FAM13B: variants seen among roughly 807,000 people sequenced by gnomAD.
FAM13B encodes the protein family with sequence similarity 13 member B.
In FAM13B, 60 loss-of-function variants were observed where a neutral mutation model predicts 117.3. The ratio of observed to expected loss-of-function variants is 0.51; its 90% CI spans 0.42 to 0.63. FAM13B has a LOEUF of 0.63. Among genes scored for constraint, FAM13B ranks in the 30% least tolerant of loss-of-function variants. The pLI is 0.00. For missense variants in FAM13B, 972 were observed against 1,091.9 expected (o/e 0.89, Z 1.55); for synonymous variants, 332 against 356.1 (o/e 0.93, Z 0.76).
At chr5:137,988,206 T>A in intron 8 of FAM13B, 68 bp downstream of exon 8, 1 of 1,219,360 alleles carries the variant, frequency 8.2e-7, no homozygotes, top group Non-Finnish European at 1.1e-6. Context: ...AGTACATTAT[T>A]TTCATTTCTA....
intron 7 of FAM13B, among the ~76,000 whole-genome samples, chr5:137,997,516 T>C (rs1209605656): frequency 1.3e-5 from 2 of 151,318 alleles, no homozygotes; most frequent in Admixed American, 1.3e-4. Context: ...ATGATAAACA[T>C]GTGGATATAA....
At position 137,984,055 on chromosome 5, in the gene FAM13B, TA is replaced by T. The variant is rs1183969540; in HGVS notation, c.1179+1201del. 5.9e-5 allele frequency among the ~76,000 whole-genome samples: 9 copies of T among 152,278 alleles called. No individual in the cohort carries two copies. In the East Asian group the frequency reaches 1.4e-3, roughly 23 times the overall value. On this transcript the variant is annotated intron_variant, in intron 10 of 23. Transcript: ENST00000689681. ...TTTTTACATTTAATGGCAATTATAT[TA>T]AAAAAAGTTACTAACAAATGTGACA...
chr5:138,010,087 TCTC>T (rs1351492248), intron 6 of FAM13B, among the ~76,000 whole-genome samples: 2 of 151,960 alleles, frequency 1.3e-5, no homozygotes, highest in Admixed American at 6.6e-5. Flanking sequence ...TTCAAGCAAT[TCTC>T]CTGCCTCAGC....
intron 10 of FAM13B, among the ~76,000 whole-genome samples, chr5:137,980,000 A>C (rs1212253004): frequency 0.12 from 232 of 1,922 alleles, 1 homozygote; most frequent in South Asian, 0.45. Flanking sequence ...TGTCTCTACT[A>C]AAAAAAAAAA....
chr5:137,982,523 A>AAACAAC (rs59537285), intron 10 of FAM13B, among the ~76,000 whole-genome samples: 106 of 138,320 alleles, frequency 7.7e-4, no homozygotes, highest in African/African-American at 1.6e-3. Flanking sequence ...TCCATCTCAA[A>AAACAAC]AACAACAACA....
At chr5:137,975,995 T>TTTTTTTTTTTTTTTTTTG (rs1773849176) in intron 10 of FAM13B, among the ~76,000 whole-genome samples, 2 of 149,682 alleles carry the variant, frequency 1.3e-5, no homozygotes, top group African/African-American at 4.9e-5. Flanking sequence ...TTTTTTTTTT[T>TTTTTTTTTTTTTTTTTTG]GAGACAGTCT....
intron 10 of FAM13B, among the ~76,000 whole-genome samples, chr5:137,970,447 G>A: frequency 6.6e-6 from 1 of 151,768 alleles, no homozygotes; most frequent in East Asian, 1.9e-4. Flanking sequence ...CCCTAAAAGA[G>A]CTCCTGAAGG....
intron 7 of FAM13B, among the ~76,000 whole-genome samples, chr5:137,993,593 C>G (rs1444910302): frequency 6.6e-6 from 1 of 151,518 alleles, no homozygotes; most frequent in Non-Finnish European, 1.5e-5. Flanking sequence ...GCAGCCGGGC[C>G]TACAAGATGA....
chr5:137,957,473 G>C (rs1407209138), intron 13 of FAM13B, among the ~76,000 whole-genome samples: 1 of 148,630 alleles, frequency 6.7e-6, no homozygotes, highest in East Asian at 2.0e-4. Context: ...CTGCGAGGCG[G>C]AAGTTGCGGT....
At chr5:138,048,187 C>T (rs1182535960) in intron 1 of FAM13B, among the ~76,000 whole-genome samples, 1 of 152,172 alleles carries the variant, frequency 6.6e-6, no homozygotes, top group Non-Finnish European at 1.5e-5. Flanking sequence ...CCCACACATA[C>T]AAATCTGTGT....
chr5:137,943,423 C>G (rs1168224149), intron 20 of FAM13B, among the ~76,000 whole-genome samples: 1 of 152,086 alleles, frequency 6.6e-6, no homozygotes, highest in Non-Finnish European at 1.5e-5. Flanking sequence ...CTAGAAAAGT[C>G]TGAAAGAGCT....
At position 137,942,865 on chromosome 5, in the gene FAM13B, GCATA is replaced by G; in HGVS notation, c.2588+6_2588+9del. Reference sequence around the variant, plus strand: ...AAAAATAGGCTAAAATCACAAATCAGCATACATACATAGAAGCTGCTCGAGAACT... The same window carrying G: ...AAAAATAGGCTAAAATCACAAATCAGCATACATAGAAGCTGCTCGAGAACT... On this transcript the variant is annotated splice_donor_region_variant and intron_variant, in intron 22 of 23. Coordinates refer to ENST00000689681, the MANE Select transcript of FAM13B (RefSeq NM_001385994.1). 1.9e-6 allele frequency: 3 copies of G among 1,591,506 alleles called. No homozygotes were observed. The highest frequency in any genetic ancestry group is 2.6e-6 in the Non-Finnish European group (3 of 1,174,176).
chr5:138,032,759 CG>C lies in FAM13B; in HGVS notation c.-203+22del, dbSNP rs1790499658. 69 of 985,722 alleles carry C rather than the reference CG, an allele frequency of 7.0e-5. 1 individual carries two copies. The South Asian group carries it at 2.9e-3, about 41-fold the overall frequency. The allele number at this position is 985,722 out of a possible 1,614,324, so 61.1% of individuals were successfully genotyped here. On this transcript the variant is annotated intron_variant, in intron 1 of 23. Transcript: ENST00000689681. Reference sequence around the variant, plus strand: ...CCTGCAACCCGCGCATGCGCAGATCCGGGTACCCGCCCGTTTACCTACCGTT... The same window carrying C: ...CCTGCAACCCGCGCATGCGCAGATCCGGTACCCGCCCGTTTACCTACCGTT...
At chr5:138,000,432 T>A (rs1202080782) in intron 7 of FAM13B, among the ~76,000 whole-genome samples, 1 of 152,066 alleles carries the variant, frequency 6.6e-6, no homozygotes, top group Admixed American at 6.6e-5. Context: ...TAATTTTTTC[T>A]CAGTTTTAAT....
intron 7 of FAM13B, among the ~76,000 whole-genome samples, chr5:138,002,626 T>C (rs1430705975): frequency 6.6e-6 from 1 of 151,606 alleles, no homozygotes; most frequent in African/African-American, 2.4e-5. Flanking sequence ...CCCTAATCAT[T>C]CTTTCTGAAA....
At chr5:137,941,102 G>A (rs1761638777) in intron 23 of FAM13B, among the ~76,000 whole-genome samples, 1 of 151,968 alleles carries the variant, frequency 6.6e-6, no homozygotes, top group South Asian at 2.1e-4. Context: ...TAGAGACAGG[G>A]TTTCACTGTG....
chr5:137,992,670 T>G (rs977988822), intron 7 of FAM13B, among the ~76,000 whole-genome samples: 5 of 151,812 alleles, frequency 3.3e-5, no homozygotes, highest in Non-Finnish European at 7.4e-5. Flanking sequence ...AAAACACATA[T>G]GAAAAGGGGG....
chr5:138,020,196 GA>G (rs1786341645), intron 2 of FAM13B, among the ~76,000 whole-genome samples: 1 of 151,818 alleles, frequency 6.6e-6, no homozygotes, highest in African/African-American at 2.4e-5. Flanking sequence ...ATGTAGCTGG[GA>G]TTACAGGTGT....
intron 1 of FAM13B, among the ~76,000 whole-genome samples, chr5:138,043,477 G>T (rs1159993674): frequency 4.7e-5 from 6 of 127,394 alleles, no homozygotes; most frequent in Admixed American, 2.8e-4. Context: ...GTCTTGCTCT[G>T]TCGCCAGGCC....
Sources: allele counts gnomAD v4.1 joint callset (sites outside exome capture counted in the v4.1 genomes callset), GRCh38; gene constraint gnomAD v4.1.1; transcripts MANE v1.5; gene names NCBI Gene and HGNC (gene_info 2026-07-23, HGNC 2026-07-21).